RASEF: variants seen among roughly 807,000 people sequenced by gnomAD.
RASEF encodes ras and EF-hand domain-containing protein.
A neutral mutation model predicts 90.1 loss-of-function variants in RASEF; 68 were observed. That is an observed-to-expected ratio of 0.75 (90% CI 0.62 to 0.92). RASEF has a LOEUF of 0.92. Ranked by LOEUF, RASEF falls within the 40% of genes least tolerant of loss-of-function variation. The pLI is 0.00. For synonymous variants in RASEF, 331 were observed against 345.2 expected (o/e 0.96, Z 0.46); for missense variants, 949 against 937.2 (o/e 1.01, Z -0.16).
At chr9:82,987,389 C>T (rs1828728904) in intron 16 of RASEF, among the ~76,000 whole-genome samples, 1 of 152,156 alleles carries the variant, frequency 6.6e-6, no homozygotes, top group African/African-American at 2.4e-5. Flanking sequence ...TATTTCTTTA[C>T]TTGTCTAAAG....
At chr9:83,017,454 C>G (rs1181498205) in intron 3 of RASEF, among the ~76,000 whole-genome samples, 2 of 151,494 alleles carry the variant, frequency 1.3e-5, no homozygotes, top group East Asian at 1.9e-4. Context: ...GAGCCGAGAT[C>G]GCGCCACAGC....
the RASEF span, among the ~76,000 whole-genome samples, chr9:83,071,428 CAG>C: frequency 6.6e-6 from 1 of 151,988 alleles, no homozygotes; most frequent in Non-Finnish European, 1.5e-5. Flanking sequence ...TTTTTTGAGA[CAG>C]GGTCTGGCTC....
At chr9:83,200,738 T>C in the RASEF span, among the ~76,000 whole-genome samples, 1 of 152,172 alleles carries the variant, frequency 6.6e-6, no homozygotes, top group African/African-American at 2.4e-5. Flanking sequence ...CAATGTCAGC[T>C]CATAGCAGGG....
the RASEF span, among the ~76,000 whole-genome samples, chr9:83,180,517 A>C: frequency 6.6e-6 from 1 of 152,202 alleles, no homozygotes; most frequent in South Asian, 2.1e-4. Flanking sequence ...AAAAGGGGAA[A>C]TCTTTCATAA....
At chr9:82,987,455 A>G (rs939652076) in intron 16 of RASEF, among the ~76,000 whole-genome samples, 2 of 152,214 alleles carry the variant, frequency 1.3e-5, no homozygotes, top group African/African-American at 2.4e-5. Flanking sequence ...CTAGTTATCA[A>G]AATTCTTTTG....
At chr9:83,078,948 T>C in the RASEF span, among the ~76,000 whole-genome samples, 3 of 152,358 alleles carry the variant, frequency 2.0e-5, no homozygotes, top group African/African-American at 7.2e-5. Flanking sequence ...TGCCAGATAT[T>C]AGACCTTTGT....
chr9:83,094,142 C>T, the RASEF span, among the ~76,000 whole-genome samples: 1 of 151,754 alleles, frequency 6.6e-6, no homozygotes, highest in African/African-American at 2.4e-5. Context: ...TGGAAACATA[C>T]TATCATGAGA....
the RASEF span, among the ~76,000 whole-genome samples, chr9:83,093,271 G>A: frequency 1.3e-5 from 2 of 152,240 alleles, no homozygotes; most frequent in Non-Finnish European, 2.9e-5. Context: ...AGGTGGAGCT[G>A]CCTGCCAGTC....
the RASEF span, among the ~76,000 whole-genome samples, chr9:83,112,176 T>C: frequency 6.6e-6 from 1 of 152,256 alleles, no homozygotes; most frequent in East Asian, 1.9e-4. Context: ...AATGAGATCA[T>C]ATTGACACTT....
chr9:83,121,180 GT>G, the RASEF span, among the ~76,000 whole-genome samples: 1 of 152,012 alleles, frequency 6.6e-6, no homozygotes, highest in South Asian at 2.1e-4. Context: ...TTTATATTCT[GT>G]TTTTTCTGAA....
At chr9:83,103,819 T>C in the RASEF span, among the ~76,000 whole-genome samples, 2 of 152,226 alleles carry the variant, frequency 1.3e-5, no homozygotes, top group African/African-American at 4.8e-5. Flanking sequence ...TAGGCTAATA[T>C]TGACTTAGGT....
chr9:83,138,074 G>A, the RASEF span, among the ~76,000 whole-genome samples: 252 of 151,534 alleles, frequency 1.7e-3, 8 homozygotes, highest in East Asian at 0.045. Context: ...GCAATGATTT[G>A]TCCAAGTCTA....
intron 16 of RASEF, among the ~76,000 whole-genome samples, chr9:82,984,749 C>T (rs1056205019): frequency 6.6e-6 from 1 of 152,160 alleles, no homozygotes; most frequent in African/African-American, 2.4e-5. Flanking sequence ...ACAAGGACAA[C>T]GGAAGAGTAA....
chr9:83,061,951 T>C (rs184186287), intron 1 of RASEF, among the ~76,000 whole-genome samples: 24 of 152,376 alleles, frequency 1.6e-4, no homozygotes, highest in Admixed American at 2.6e-4. Flanking sequence ...TCAATATTTG[T>C]GTCCAGCAAT....
intron 1 of RASEF, among the ~76,000 whole-genome samples, chr9:83,060,967 TGA>T (rs1830192390): frequency 6.6e-6 from 1 of 152,176 alleles, no homozygotes; most frequent in Non-Finnish European, 1.5e-5. Flanking sequence ...AGGTTGTGTG[TGA>T]AATATTTGTT....
the RASEF span, among the ~76,000 whole-genome samples, chr9:83,115,494 CCAA>C: frequency 6.6e-6 from 1 of 152,188 alleles, no homozygotes; most frequent in Non-Finnish European, 1.5e-5. Flanking sequence ...AATTTCCCAT[CCAA>C]CAACAGAAGA....
the RASEF span, among the ~76,000 whole-genome samples, chr9:83,073,673 A>G: frequency 1.1e-4 from 17 of 152,384 alleles, no homozygotes; most frequent in South Asian, 3.3e-3. Context: ...ATATAAAGCC[A>G]CTGTGCATAC....
chr9:83,192,402 G>T, the RASEF span, among the ~76,000 whole-genome samples: 2 of 152,144 alleles, frequency 1.3e-5, no homozygotes, highest in Non-Finnish European at 2.9e-5. Flanking sequence ...TATGCCCTTT[G>T]CAAGAACATG....
chr9:83,170,192 C>T, the RASEF span, among the ~76,000 whole-genome samples: 1 of 151,900 alleles, frequency 6.6e-6, no homozygotes, highest in Admixed American at 6.6e-5. Context: ...CTGTGCTTTC[C>T]CCAATGTATG....
Sources: gnomAD v4.1 joint callset for allele counts (sites outside exome capture counted in the v4.1 genomes callset) on GRCh38, gnomAD v4.1.1 for gene constraint, MANE v1.5 for transcripts, NCBI Gene and HGNC (gene_info 2026-07-23, HGNC 2026-07-21) for gene names.